VSNL1: variants seen among roughly 807,000 people sequenced by gnomAD.
VSNL1 encodes the protein visinin like 1.
In VSNL1, 6 loss-of-function variants were observed where a neutral mutation model predicts 20.4. The observed-to-expected ratio is 0.29, with a 90% confidence interval of 0.16 to 0.58. The LOEUF (loss-of-function observed/expected upper bound fraction) is 0.58, where lower values mean the gene tolerates loss of function less well. Among genes scored for constraint, VSNL1 ranks in the 20% least tolerant of loss-of-function variants. VSNL1 has a pLI of 0.90. For synonymous variants in VSNL1, 93 were observed against 86.4 expected (o/e 1.08, Z -0.42); for missense variants, 100 against 234.5 (o/e 0.43, Z 3.75).
intron 1 of VSNL1, among the ~76,000 whole-genome samples, chr2:17,586,292 C>G (rs1289828497): frequency 6.6e-6 from 1 of 152,192 alleles, no homozygotes; most frequent in Non-Finnish European, 1.5e-5. Context: ...CCCAAGTTGA[C>G]TCATGATCAT....
intron 2 of VSNL1, among the ~76,000 whole-genome samples, chr2:17,632,363 C>G (rs2103413249): frequency 6.6e-6 from 1 of 151,434 alleles, no homozygotes; most frequent in Non-Finnish European, 1.5e-5. Context: ...TGCAGTGGCG[C>G]AATCTCAGCT....
At chr2:17,603,511 ACT>A (rs1664877574) in intron 2 of VSNL1, among the ~76,000 whole-genome samples, 1 of 152,104 alleles carries the variant, frequency 6.6e-6, no homozygotes, top group Non-Finnish European at 1.5e-5. Context: ...AAACATTCAG[ACT>A]CTATCAGGCA....
At chr2:17,617,889 G>A (rs80049227) in intron 2 of VSNL1, among the ~76,000 whole-genome samples, 25 of 149,766 alleles carry the variant, frequency 1.7e-4, no homozygotes, top group East Asian at 2.0e-4. Flanking sequence ...ACATGCACGC[G>A]CACACACACA....
At chr2:17,613,776 T>C (rs1439112990) in intron 2 of VSNL1, among the ~76,000 whole-genome samples, 1 of 152,200 alleles carries the variant, frequency 6.6e-6, no homozygotes, top group Admixed American at 6.5e-5. Context: ...CTGTTGTCCA[T>C]AAGCAAATGA....
At chr2:17,561,496 ATCTT>A (rs929907227) in intron 1 of VSNL1, among the ~76,000 whole-genome samples, 41 of 152,218 alleles carry the variant, frequency 2.7e-4, no homozygotes, top group Non-Finnish European at 1.5e-4. Context: ...ATTGTGATGA[ATCTT>A]CCAAGCAGTA....
chr2:17,646,829 G>A (rs891650589), intron 2 of VSNL1, among the ~76,000 whole-genome samples: 1 of 152,174 alleles, frequency 6.6e-6, no homozygotes, highest in African/African-American at 2.4e-5. Flanking sequence ...GTAAATCTGA[G>A]TTCAAGACCC....
At chr2:17,624,896 A>T (rs62133585) in intron 2 of VSNL1, among the ~76,000 whole-genome samples, 8,169 of 152,316 alleles carry the variant, frequency 0.054, 256 homozygotes, top group East Asian at 0.092. Context: ...TAATTAAATG[A>T]GAAAACGCCT....
At chr2:17,622,241 T>C (rs1572204349) in intron 2 of VSNL1, among the ~76,000 whole-genome samples, 1 of 148,208 alleles carries the variant, frequency 6.7e-6, no homozygotes, top group Non-Finnish European at 1.5e-5. Context: ...AGGCTGGGCA[T>C]GGTGCCTCAC....
intron 1 of VSNL1, among the ~76,000 whole-genome samples, chr2:17,584,326 T>A (rs1017214920): frequency 1.3e-5 from 2 of 152,118 alleles, no homozygotes; most frequent in African/African-American, 4.8e-5. Context: ...CAAGTATGGC[T>A]TGGGTCTAAG....
At chr2:17,556,856 T>C (rs964626053) in intron 1 of VSNL1, among the ~76,000 whole-genome samples, 4 of 152,176 alleles carry the variant, frequency 2.6e-5, no homozygotes, top group African/African-American at 9.7e-5. Flanking sequence ...GGTGAGAATT[T>C]CTGGCCAAAG....
At chr2:17,651,501 G>A (rs924364191) in intron 3 of VSNL1, among the ~76,000 whole-genome samples, 2 of 152,250 alleles carry the variant, frequency 1.3e-5, no homozygotes, top group Admixed American at 6.5e-5. Flanking sequence ...GCAGGAAGCA[G>A]GGATGCTTGG....
intron 2 of VSNL1, among the ~76,000 whole-genome samples, chr2:17,613,666 G>A (rs957186910): frequency 6.6e-6 from 1 of 152,200 alleles, no homozygotes; most frequent in African/African-American, 2.4e-5. Context: ...TCTTCCTGGA[G>A]TGGGGAGTGG....
At chr2:17,597,925 A>G (rs1664745474) in intron 2 of VSNL1, among the ~76,000 whole-genome samples, 1 of 152,196 alleles carries the variant, frequency 6.6e-6, no homozygotes, top group African/African-American at 2.4e-5. Context: ...ATTCCCTTCA[A>G]TGAGAAATTT....
chr2:17,564,037 G>C (rs553891498), intron 1 of VSNL1, among the ~76,000 whole-genome samples: 1 of 152,036 alleles, frequency 6.6e-6, no homozygotes, highest in East Asian at 1.9e-4. Context: ...TTTCAGAAAG[G>C]ATTTCAGTTA....
In VSNL1 at chr2:17,649,635, G is replaced by A. The variant is rs761228659; in HGVS notation, c.378+10G>A. 9 of 1,613,540 alleles carry A rather than the reference G, an allele frequency of 5.6e-6. No homozygotes were observed. The highest frequency in any genetic ancestry group is 2.2e-5 in the East Asian group (1 of 44,876). On this transcript the variant is annotated intron_variant, in intron 3 of 3. Coordinates refer to ENST00000295156, the MANE Select transcript of VSNL1 (RefSeq NM_003385.5). The surrounding 1 kb of genome is among the most constrained non-coding windows in gnomAD (Gnocchi z 6.4). ...GCTGGAGATCATCGAGGTGAGGCCC[G>A]GGGTGTGGTTGGCGGGTGGTGGGCA...
At chr2:17,567,735 CT>C (rs1663986832) in intron 1 of VSNL1, 1 of 152,050 alleles carries the variant, frequency 6.6e-6, no homozygotes, top group Non-Finnish European at 1.5e-5. Flanking sequence ...GATATTCGTT[CT>C]AGTCTTAATT....
At chr2:17,549,548 C>A (rs2103337761) in intron 1 of VSNL1, among the ~76,000 whole-genome samples, 1 of 152,216 alleles carries the variant, frequency 6.6e-6, no homozygotes, top group African/African-American at 2.4e-5. Flanking sequence ...GAAATTTCTT[C>A]ATTCTAGATC....
intron 2 of VSNL1, among the ~76,000 whole-genome samples, chr2:17,635,515 C>A (rs541777010): frequency 6.6e-6 from 1 of 152,282 alleles, no homozygotes; most frequent in East Asian, 1.9e-4. Flanking sequence ...GGAGTTCTAC[C>A]TCTCATGTAG....
intron 2 of VSNL1, among the ~76,000 whole-genome samples, chr2:17,637,325 C>T (rs924620363): frequency 6.6e-6 from 1 of 152,210 alleles, no homozygotes; most frequent in Admixed American, 6.5e-5. Flanking sequence ...AATACATACA[C>T]CAGGAGGGGT....
Sources: allele counts gnomAD v4.1 joint callset (sites outside exome capture counted in the v4.1 genomes callset), GRCh38; gene constraint gnomAD v4.1.1; non-coding constraint Gnocchi (gnomAD v3.1); transcripts MANE v1.5; gene names NCBI Gene and HGNC (gene_info 2026-07-23, HGNC 2026-07-21).